The following SIM1 variants were observed in gnomAD, a reference collection of about 807,000 sequenced individuals.
The protein encoded by SIM1 is single-minded homolog 1.
SIM1 carries 18 observed loss-of-function variants against 78.2 expected under a neutral mutation model. The ratio of observed to expected loss-of-function variants is 0.23; its 90% CI spans 0.16 to 0.34. The LOEUF is 0.34. Ranked by LOEUF, SIM1 falls within the 10% of genes least tolerant of loss-of-function variation. SIM1 has a pLI of 1.00. For synonymous variants in SIM1, 417 were observed against 385.2 expected, an observed-to-expected ratio of 1.08 and a Z score of -0.97; for missense variants, 939 against 975.1, an observed-to-expected ratio of 0.96 and a Z score of 0.49.
At chr6:100,439,610 T>C (rs1256519660) in intron 9 of SIM1, among the ~76,000 whole-genome samples, 1 of 152,132 alleles carries the variant, frequency 6.6e-6, no homozygotes, top group Non-Finnish European at 1.5e-5. Flanking sequence ...TCAGTCCATG[T>C]AGAACAATGA....
At position 100,422,746 on chromosome 6, in the gene SIM1, TTTGA is replaced by T. The variant is rs1230175807; in HGVS notation, c.999-1792_999-1789del. On this transcript the variant is annotated intron_variant, in intron 9 of 11. Transcript: ENST00000369208. ...ATATATGAGGTAATGCACATGTTAGTTTGATTTAGATTTTCCACAATGTATACAT... is the reference window on the plus strand; with the variant it reads ...ATATATGAGGTAATGCACATGTTAGTTTTAGATTTTCCACAATGTATACAT... Among the ~76,000 whole-genome samples the T allele has an allele frequency of 3.9e-5, 6 of 152,246 alleles. No individual in the cohort carries two copies. In the East Asian group the frequency reaches 1.2e-3, roughly 29 times the overall value.
chr6:100,458,595 G>T (rs1194152487), intron 2 of SIM1, among the ~76,000 whole-genome samples: 2 of 152,242 alleles, frequency 1.3e-5, no homozygotes, highest in African/African-American at 4.8e-5. Flanking sequence ...GGCCTGGGGA[G>T]TAAGGAGACT....
chr6:100,402,202 T>G (rs528771138), intron 10 of SIM1, among the ~76,000 whole-genome samples: 6 of 152,290 alleles, frequency 3.9e-5, no homozygotes, highest in Admixed American at 6.5e-5. Context: ...CTTGTAAAAA[T>G]TATTTTCTGC....
At chr6:100,400,050 AC>A (rs1770868468) in intron 10 of SIM1, among the ~76,000 whole-genome samples, 1 of 152,082 alleles carries the variant, frequency 6.6e-6, no homozygotes, top group Admixed American at 6.5e-5. Context: ...GCCAGAATTC[AC>A]AAAGAAGATA....
At chr6:100,392,763 C>G (rs535203859) in intron 11 of SIM1, among the ~76,000 whole-genome samples, 1 of 152,160 alleles carries the variant, frequency 6.6e-6, no homozygotes, top group Admixed American at 6.5e-5. Context: ...TTCCAAAGAC[C>G]GGTCTGGACC....
At chr6:100,442,373 T>C (rs1772240763) in intron 9 of SIM1, among the ~76,000 whole-genome samples, 1 of 152,210 alleles carries the variant, frequency 6.6e-6, no homozygotes. Flanking sequence ...ATAAAATTAG[T>C]ATTAATACAA....
chr6:100,454,217 C>A (rs1772587660), intron 2 of SIM1, among the ~76,000 whole-genome samples: 1 of 152,178 alleles, frequency 6.6e-6, no homozygotes, highest in East Asian at 1.9e-4. Flanking sequence ...AAGTTTTCAT[C>A]GTCATCCGTT....
intron 3 of SIM1, 92 bp downstream of exon 3, chr6:100,453,665 TTTTTG>T: frequency 1.2e-5 from 11 of 931,202 alleles, no homozygotes; most frequent in South Asian, 1.8e-5. Flanking sequence ...GTTTGTTTTT[TTTTTG>T]TTTTTGTTTT....
At chr6:100,459,912 T>A (rs1169851372) in intron 2 of SIM1, among the ~76,000 whole-genome samples, 1 of 152,246 alleles carries the variant, frequency 6.6e-6, no homozygotes, top group Non-Finnish European at 1.5e-5. Flanking sequence ...AAAGTCATGC[T>A]ATTTTTTAGA....
At position 100,450,372 on chromosome 6, in the gene SIM1, T is replaced by C. The variant is rs1416521179; in HGVS notation, c.259-16A>G. 2.5e-6 allele frequency: 4 copies of C among 1,605,412 alleles called. No homozygotes were observed. Among genetic ancestry groups the C allele is most frequent in the Middle Eastern group, 1.7e-4 (1 of 6,048 alleles). ...CATCCAGGGTCTGGGGAGGCACAAA[T>C]AGAGAGAATAGAGAGCCCTCTGGGC... On this transcript the variant is annotated splice_polypyrimidine_tract_variant and intron_variant, in intron 3 of 11. Transcript: ENST00000369208.
At chr6:100,396,325 A>T (rs772411482) in intron 10 of SIM1, among the ~76,000 whole-genome samples, 25 of 151,850 alleles carry the variant, frequency 1.6e-4, no homozygotes, top group Non-Finnish European at 3.2e-4. Context: ...TTTCTGAGGT[A>T]CTCCAGTCAA....
At chr6:100,428,890 T>G (rs902104118) in intron 9 of SIM1, among the ~76,000 whole-genome samples, 1 of 152,196 alleles carries the variant, frequency 6.6e-6, no homozygotes, top group Admixed American at 6.5e-5. Flanking sequence ...TGTAATTGCA[T>G]GTAAACATGC....
At chr6:100,461,382 T>A (rs371041127) in intron 2 of SIM1, among the ~76,000 whole-genome samples, 29 of 152,316 alleles carry the variant, frequency 1.9e-4, no homozygotes, top group South Asian at 1.2e-3. Flanking sequence ...CCAAGCCGAC[T>A]AGCTTCCCTG....
At position 100,390,202 on chromosome 6, in the gene SIM1, T is replaced by C. The variant is rs1770601221; in HGVS notation, c.*159A>G. 1.9e-5 allele frequency: 14 copies of C among 752,544 alleles called. No homozygotes were observed. The South Asian group carries it at 1.9e-4, about 10-fold the overall frequency. The allele number at this position is 752,544 out of a possible 1,614,324, so 46.6% of individuals were successfully genotyped here. On this transcript the variant is annotated 3_prime_UTR_variant, in exon 12 of 12. Coordinates refer to ENST00000369208, the MANE Select transcript of SIM1 (RefSeq NM_005068.3). ...TTCTGTGTATAACCCTGAATGCTAG[T>C]GCTATGTTTTCTTTGATTTTATAGG... is the stretch of plus-strand genomic sequence containing the variant.
chr6:100,454,131 T>C (rs544616641), intron 2 of SIM1, among the ~76,000 whole-genome samples: 1 of 152,162 alleles, frequency 6.6e-6, no homozygotes, highest in African/African-American at 2.4e-5. Flanking sequence ...GCCTCCAACA[T>C]TGCACCCCAC....
chr6:100,437,281 C>T (rs1772081030), intron 9 of SIM1: 1 of 152,068 alleles, frequency 6.6e-6, no homozygotes, highest in Admixed American at 6.5e-5. Context: ...ACTAAGAAGC[C>T]TAAGGTTTAG....
chr6:100,431,746 T>C (rs538900390), intron 9 of SIM1, among the ~76,000 whole-genome samples: 4 of 152,314 alleles, frequency 2.6e-5, no homozygotes, highest in African/African-American at 9.6e-5. Flanking sequence ...TTATGATTTA[T>C]AGGGCTTGAG....
rs897689858 is a variant in SIM1, at chr6:100,390,632, T to C, written c.2030A>G (p.Tyr677Cys). The C allele has an allele frequency of 1.9e-6, 3 of 1,614,224 alleles. No homozygotes were observed. Among genetic ancestry groups the C allele is most frequent in the Non-Finnish European group, 2.5e-6 (3 of 1,180,044 alleles). ...SKSSLILAKD[Y>C]LHSDISPHQT... ...ATGAGGAGATATATCCGAATGCAGA[T>C]AGTCTTTAGCTAGGATCAAACTGGA... Residue 677 changes from tyrosine to cysteine, a missense_variant, in exon 12 of 12, where the codon TAT (tyrosine) becomes TGT (cysteine). By Grantham distance (194) the Tyr-to-Cys change is radical. Coordinates refer to ENST00000369208, the MANE Select transcript of SIM1 (RefSeq NM_005068.3).
chr6:100,412,576 AAAG>A (rs1771227647), intron 10 of SIM1, among the ~76,000 whole-genome samples: 1 of 111,518 alleles, frequency 9.0e-6, no homozygotes, highest in African/African-American at 3.2e-5. Flanking sequence ...AGAAAGAAAG[AAAG>A]AAAGAAAGAA....
Sources: gnomAD v4.1 joint callset for allele counts (sites outside exome capture counted in the v4.1 genomes callset) on GRCh38, gnomAD v4.1.1 for gene constraint, MANE v1.5 for transcripts, NCBI Gene and HGNC (gene_info 2026-07-23, HGNC 2026-07-21) for gene names.